Variants in HHLA2 observed in about 807,000 individuals in gnomAD.
HHLA2 encodes HHLA2 member of B7 family, also known as HERV-H LTR-associating protein 2.
HHLA2 carries 48 observed loss-of-function variants against 45.9 expected under a neutral mutation model. The ratio of observed to expected loss-of-function variants is 1.05; its 90% CI spans 0.83 to 1.33. HHLA2 has a LOEUF of 1.33. Among genes scored for constraint, HHLA2 ranks in the 40% most tolerant of loss-of-function variants. The pLI, the probability that HHLA2 is intolerant of heterozygous loss-of-function variation, is 0.00. For synonymous variants in HHLA2, 161 were observed against 173.9 expected (o/e 0.93, Z 0.59); for missense variants, 462 against 494.3 (o/e 0.93, Z 0.62).
intron 8 of HHLA2, among the ~76,000 whole-genome samples, chr3:108,369,129 T>C (rs1175596789): frequency 6.6e-6 from 1 of 152,114 alleles, no homozygotes; most frequent in Non-Finnish European, 1.5e-5. Flanking sequence ...GACTACTGGG[T>C]AAATAATTAA....
chr3:108,342,890 C>T (rs111982153), intron 3 of HHLA2, among the ~76,000 whole-genome samples: 1 of 152,132 alleles, frequency 6.6e-6, no homozygotes, highest in African/African-American at 2.4e-5. Context: ...CAAGCTCAAG[C>T]GTCTTTCCTG....
chr3:108,340,118 C>T (rs549742223), intron 3 of HHLA2, among the ~76,000 whole-genome samples: 5 of 151,720 alleles, frequency 3.3e-5, no homozygotes, highest in East Asian at 3.9e-4. Context: ...AAGGGCCAGG[C>T]GGATTAGAAG....
chr3:108,339,842 C>T (rs1005839701), intron 3 of HHLA2, among the ~76,000 whole-genome samples: 2 of 152,094 alleles, frequency 1.3e-5, no homozygotes, highest in Admixed American at 1.3e-4. Context: ...GTGGCTGGAC[C>T]TCTCTCATTT....
intron 8 of HHLA2, among the ~76,000 whole-genome samples, chr3:108,364,354 T>C (rs1462330489): frequency 6.6e-6 from 1 of 152,244 alleles, no homozygotes; most frequent in African/African-American, 2.4e-5. Context: ...TAGTATTCCA[T>C]GGTGTATATG....
exon 11 of HHLA2, chr3:108,377,772 G>A (rs556084013): frequency 6.5e-6 from 1 of 153,380 alleles, no homozygotes; most frequent in Admixed American, 6.5e-5. Flanking sequence ...ATGAACGGTT[G>A]TATCAGGGTA....
chr3:108,340,914 T>A (rs1560230011), intron 3 of HHLA2, among the ~76,000 whole-genome samples: 11 of 45,932 alleles, frequency 2.4e-4, no homozygotes, highest in African/African-American at 9.4e-4. Context: ...TTTTTTTCCT[T>A]CCTTCCTTCC....
chr3:108,375,813 T>A lies in HHLA2; in HGVS notation c.1159+13T>A. On this transcript the variant is annotated intron_variant, in intron 9 of 10. Transcript: ENST00000619531. ...GGAGCCCAACAAGGTCAGCCTCCCA[T>A]GTCTGAGAGAAGAATGGATTCTGGT... 3 of 1,608,910 alleles carry A rather than the reference T, an allele frequency of 1.9e-6. No homozygotes were observed. Among genetic ancestry groups the A allele is most frequent in the African/African-American group, 2.7e-5 (2 of 74,906 alleles).
intron 1 of HHLA2, among the ~76,000 whole-genome samples, chr3:108,300,484 A>G (rs2080831532): frequency 6.6e-6 from 1 of 152,170 alleles, no homozygotes; most frequent in Admixed American, 6.5e-5. Context: ...AATATAAACC[A>G]GGTGAGCCAA....
rs1478159254 is a variant in HHLA2, at chr3:108,351,974, A to G, written c.64+97A>G. 8 of 749,852 alleles carry G rather than the reference A, an allele frequency of 1.1e-5. No individual in the cohort carries two copies. In the African/African-American group the frequency reaches 1.4e-4, roughly 13 times the overall value. The allele number at this position is 749,852 out of a possible 1,614,324, so 46.4% of individuals were successfully genotyped here. ...TGGCTATTTCCTCCATAGCCACAGC[A>G]TCGTGAACTTTCCTAAATCATCAGT... On this transcript the variant is annotated intron_variant, in intron 4 of 10. Coordinates refer to ENST00000619531, the Ensembl canonical transcript of HHLA2.
exon 9 of HHLA2, chr3:108,375,772 C>T: frequency 1.2e-6 from 2 of 1,611,068 alleles, no homozygotes; most frequent in Non-Finnish European, 1.7e-6. Flanking sequence ...CCAGGAGGAG[C>T]AGACACCCTG....
At chr3:108,305,097 A>G (rs1404869091) in intron 1 of HHLA2, among the ~76,000 whole-genome samples, 1 of 152,152 alleles carries the variant, frequency 6.6e-6, no homozygotes, top group Non-Finnish European at 1.5e-5. Context: ...TACTTTGTAC[A>G]TTATCTATTT....
At chr3:108,375,222 C>G (rs1387193481) in intron 8 of HHLA2, among the ~76,000 whole-genome samples, 1 of 151,380 alleles carries the variant, frequency 6.6e-6, no homozygotes, top group African/African-American at 2.4e-5. Flanking sequence ...CAGTAACTAT[C>G]GCAAGGACAA....
intron 2 of HHLA2, among the ~76,000 whole-genome samples, chr3:108,321,091 T>TAAAAAAAAAAAAAAACAAAAAAAAAAA (rs2081191907): frequency 2.0e-5 from 2 of 101,428 alleles, no homozygotes; most frequent in Non-Finnish European, 4.0e-5. Flanking sequence ...TCCAGGTGTT[T>TAAAAAAAAAAAAAAACAAAAAAAAAAA]AAAAAAAAAA....
At chr3:108,346,520 G>A (rs4367073) in intron 3 of HHLA2, among the ~76,000 whole-genome samples, 102,930 of 152,102 alleles carry the variant, frequency 0.68, 35,716 homozygotes, top group African/African-American at 0.77. Context: ...CCTCAAAGGA[G>A]TGCAGAACAT....
intron 8 of HHLA2, among the ~76,000 whole-genome samples, chr3:108,363,427 C>T (rs1346029753): frequency 6.6e-6 from 1 of 152,140 alleles, no homozygotes; most frequent in Admixed American, 6.6e-5. Context: ...TGAGATAGAT[C>T]CTATGTCTCT....
At chr3:108,299,858 T>A (rs2080822092) in intron 1 of HHLA2, among the ~76,000 whole-genome samples, 1 of 152,086 alleles carries the variant, frequency 6.6e-6, no homozygotes, top group Non-Finnish European at 1.5e-5. Context: ...AAACTTAGAT[T>A]CTCACAGTGA....
chr3:108,377,394 C>A, exon 11 of HHLA2: 2 of 721,456 alleles, frequency 2.8e-6, no homozygotes, highest in East Asian at 2.7e-5. Context: ...ACAATTCTAC[C>A]ACTGCAAAGA....
exon 8 of HHLA2, chr3:108,362,407 G>T (rs2081998157): frequency 6.2e-7 from 1 of 1,612,446 alleles, no homozygotes; most frequent in Admixed American, 1.7e-5. Flanking sequence ...TGCGATTTTG[G>T]CAGCTTTTCT....
chr3:108,353,926 T>C (rs1357915734), intron 5 of HHLA2, 146 bp downstream of exon 4: 10 of 631,094 alleles, frequency 1.6e-5, no homozygotes, highest in Non-Finnish European at 8.2e-6. Flanking sequence ...ACTTGTAGTA[T>C]ACTAATGTTA....
Sources: gnomAD v4.1 joint callset for allele counts (sites outside exome capture counted in the v4.1 genomes callset) on GRCh38, gnomAD v4.1.1 for gene constraint, MANE v1.5 for transcripts, NCBI Gene and HGNC (gene_info 2026-07-23, HGNC 2026-07-21) for gene names.